VRK1: variants seen among roughly 807,000 people sequenced by gnomAD.
VRK1 encodes the protein VRK serine/threonine kinase 1.
In VRK1, 33 loss-of-function variants were observed where a neutral mutation model predicts 57.1. The observed-to-expected ratio is 0.58, with a 90% CI of 0.44 to 0.77. VRK1 has a LOEUF of 0.77. Ranked by LOEUF, VRK1 falls within the 30% of genes least tolerant of loss-of-function variation. The pLI is 0.00. For missense variants in VRK1, 413 were observed against 477.3 expected (o/e 0.87, Z 1.25); for synonymous variants, 137 against 147.8 (o/e 0.93, Z 0.53).
chr14:96,846,592 C>T (rs2139780307), intron 4 of VRK1, among the ~76,000 whole-genome samples: 1 of 151,702 alleles, frequency 6.6e-6, no homozygotes, highest in African/African-American at 2.4e-5. Context: ...ATAGGTCTTC[C>T]TGTAGAAGCA....
intron 1 of VRK1, among the ~76,000 whole-genome samples, chr14:96,800,917 T>G (rs1422404235): frequency 6.6e-6 from 1 of 152,060 alleles, no homozygotes; most frequent in Non-Finnish European, 1.5e-5. Context: ...TCATATACTT[T>G]TAAAGCAAAT....
chr14:96,806,241 A>G (rs1219069178), intron 1 of VRK1, among the ~76,000 whole-genome samples: 2 of 152,232 alleles, frequency 1.3e-5, no homozygotes, highest in Non-Finnish European at 1.5e-5. Flanking sequence ...TTTCACGCCT[A>G]TGGATAAAAG....
At chr14:96,807,970 T>TCC (rs1409271670) in intron 1 of VRK1, among the ~76,000 whole-genome samples, 1 of 124,310 alleles carries the variant, frequency 8.0e-6, no homozygotes, top group Non-Finnish European at 1.7e-5. Context: ...TCCCTCCCTC[T>TCC]CTCTCTGTCT....
intron 5 of VRK1, among the ~76,000 whole-genome samples, chr14:96,852,011 A>G (rs1014528409): frequency 1.3e-5 from 2 of 152,238 alleles, no homozygotes; most frequent in African/African-American, 4.8e-5. Context: ...ACAAGTTAGA[A>G]TCTGGAAAAC....
intron 6 of VRK1, 61 bp from the exon 7 acceptor site, chr14:96,853,013 T>G (rs1256904655): frequency 6.2e-7 from 1 of 1,605,640 alleles, no homozygotes; most frequent in African/African-American, 1.3e-5. Flanking sequence ...TGTTGAAGCT[T>G]GGTCCTCTGC....
At chr14:96,822,929 T>G (rs1886657802) in intron 1 of VRK1, among the ~76,000 whole-genome samples, 1 of 152,178 alleles carries the variant, frequency 6.6e-6, no homozygotes, top group Non-Finnish European at 1.5e-5. Context: ...ACACTGGCAT[T>G]CTTACTCTTT....
chr14:96,860,335 A>G (rs1296062176), intron 10 of VRK1, among the ~76,000 whole-genome samples: 2 of 152,224 alleles, frequency 1.3e-5, no homozygotes, highest in African/African-American at 2.4e-5. Flanking sequence ...CACAATTACA[A>G]AAAGTGTGTT....
intron 1 of VRK1, among the ~76,000 whole-genome samples, chr14:96,802,222 G>A (rs1175107319): frequency 6.6e-6 from 1 of 152,040 alleles, no homozygotes; most frequent in Non-Finnish European, 1.5e-5. Context: ...AAAGTTAAAC[G>A]TACATTTGAC....
intron 3 of VRK1, among the ~76,000 whole-genome samples, chr14:96,842,722 G>T (rs1887514722): frequency 6.6e-6 from 1 of 152,188 alleles, no homozygotes; most frequent in Admixed American, 6.5e-5. Context: ...CAGAATCTGG[G>T]TGTAGGGCCT....
intron 10 of VRK1, among the ~76,000 whole-genome samples, chr14:96,860,137 G>A (rs540100182): frequency 4.0e-5 from 6 of 151,740 alleles, no homozygotes; most frequent in African/African-American, 1.5e-4. Flanking sequence ...TCATTTACAC[G>A]AAGAATATAG....
intron 11 of VRK1, among the ~76,000 whole-genome samples, chr14:96,875,163 A>G (rs1317697546): frequency 6.6e-6 from 1 of 152,230 alleles, no homozygotes; most frequent in African/African-American, 2.4e-5. Flanking sequence ...TTTATTCCTA[A>G]TGCCCGTCTA....
chr14:96,862,612 C>T (rs1350687062), intron 11 of VRK1, among the ~76,000 whole-genome samples: 1 of 149,960 alleles, frequency 6.7e-6, no homozygotes, highest in Non-Finnish European at 1.5e-5. Flanking sequence ...TTTGTAAATG[C>T]TGTCACTGAA....
In VRK1 at chr14:96,838,358, C is replaced by T. The variant is rs562138118; in HGVS notation, c.216+541C>T. 1.4e-4 allele frequency among the ~76,000 whole-genome samples: 21 copies of T among 152,190 alleles called. 1 individual carries two copies. The highest frequency in any genetic ancestry group is 5.1e-4 in the African/African-American group (21 of 41,532). ...CAACATCCTATCTGACATAAGCATA[C>T]TTCTAATAGCCAGATCCATTTATAT... On this transcript the variant is annotated intron_variant, in intron 3 of 12. Transcript: ENST00000216639.
chr14:96,833,271 A>G (rs1887079262), intron 1 of VRK1, among the ~76,000 whole-genome samples, 196 bp from the exon 2 acceptor site: 1 of 152,102 alleles, frequency 6.6e-6, no homozygotes, highest in Non-Finnish European at 1.5e-5. Flanking sequence ...ATATGATTTT[A>G]TTGTTTCTTC....
Position 96,837,759 on chromosome 14 carries a change from C to T in VRK1, c.161-3C>T, listed in dbSNP as rs746546400. The T allele has an allele frequency of 9.0e-5, 140 of 1,550,086 alleles. No individual in the cohort carries two copies. The highest frequency in any genetic ancestry group is 1.1e-4 in the Non-Finnish European group (125 of 1,146,834). ...ATATCAAATATTTTACTTTTTTAAA[C>T]AGCTGATATGAATTCTTCAGAGTCA... On this transcript the variant is annotated splice_region_variant and splice_polypyrimidine_tract_variant and intron_variant, in intron 2 of 12. Coordinates refer to ENST00000216639, the MANE Select transcript of VRK1 (RefSeq NM_003384.3).
chr14:96,860,778 A>C (rs1372276851), intron 11 of VRK1, 43 bp downstream of exon 11: 13 of 1,595,532 alleles, frequency 8.1e-6, no homozygotes, highest in Non-Finnish European at 8.6e-6. Flanking sequence ...TCTTGTGTTT[A>C]TAATTGCAAT....
chr14:96,857,301 CTG>C (rs1377046198), intron 10 of VRK1, among the ~76,000 whole-genome samples: 4 of 152,036 alleles, frequency 2.6e-5, no homozygotes, highest in African/African-American at 9.6e-5. Context: ...GTGAGGAGGA[CTG>C]TAATTTTAAG....
intron 1 of VRK1, among the ~76,000 whole-genome samples, chr14:96,803,858 A>C (rs1358397463): frequency 1.3e-5 from 2 of 151,938 alleles, no homozygotes; most frequent in African/African-American, 4.8e-5. Context: ...CAAGTCTTTT[A>C]CCCGTTTTGT....
At chr14:96,837,647 A>G (rs1595663668) in intron 2 of VRK1, 115 bp from the exon 3 acceptor site, 2 of 502,418 alleles carry the variant, frequency 4.0e-6, no homozygotes, top group East Asian at 7.4e-5. Context: ...ATCCTGAAAC[A>G]CATACTTGGG....
Sources: allele counts gnomAD v4.1 joint callset (sites outside exome capture counted in the v4.1 genomes callset), GRCh38; gene constraint gnomAD v4.1.1; transcripts MANE v1.5; gene names NCBI Gene and HGNC (gene_info 2026-07-23, HGNC 2026-07-21).